Variants in KATNA1 observed in about 807,000 individuals in gnomAD.
KATNA1 encodes katanin p60 ATPase-containing subunit A1.
KATNA1 carries 42 observed loss-of-function variants against 62.6 expected under a neutral mutation model. That is an observed-to-expected ratio of 0.67 (90% CI 0.52 to 0.87). The LOEUF (loss-of-function observed/expected upper bound fraction) is 0.87. KATNA1 is among the 40% of genes least tolerant of loss of function. The pLI is 0.00. For synonymous variants in KATNA1, 186 were observed against 201.9 expected, an observed-to-expected ratio of 0.92 and a Z score of 0.67; for missense variants, 498 against 612.5, an observed-to-expected ratio of 0.81 and a Z score of 1.97.
intron 7 of KATNA1, among the ~76,000 whole-genome samples, chr6:149,600,692 T>G (rs1582752413): frequency 6.6e-6 from 1 of 150,688 alleles, no homozygotes; most frequent in Non-Finnish European, 1.5e-5. Flanking sequence ...ATCTAGCACT[T>G]TGGGAGTCTG....
chr6:149,636,310 G>T (rs1222941213), intron 2 of KATNA1, among the ~76,000 whole-genome samples: 4 of 152,016 alleles, frequency 2.6e-5, no homozygotes, highest in Non-Finnish European at 4.4e-5. Context: ...GGTGACTCAT[G>T]CCTATAATCC....
At chr6:149,597,272 T>C (rs1778361597) in intron 9 of KATNA1, 83 bp from the exon 10 acceptor site, 1 of 1,437,710 alleles carries the variant, frequency 7.0e-7, no homozygotes, top group South Asian at 1.3e-5. Flanking sequence ...TTGTGTGAGA[T>C]GTTGTCTTCC....
intron 1 of KATNA1, among the ~76,000 whole-genome samples, chr6:149,645,721 T>G (rs1016836175): frequency 3.9e-5 from 6 of 152,166 alleles, no homozygotes; most frequent in African/African-American, 1.2e-4. Flanking sequence ...AGTTAGCTAA[T>G]GACTAAATTA....
intron 1 of KATNA1, 178 bp from the exon 2 acceptor site, chr6:149,638,738 T>TTG (rs1211766934): frequency 4.6e-6 from 2 of 432,504 alleles, no homozygotes; most frequent in South Asian, 4.0e-5. Context: ...TTGTTTTTTT[T>TTG]TTTTTTTTTT....
intron 3 of KATNA1, among the ~76,000 whole-genome samples, chr6:149,627,515 G>A (rs1226523715): frequency 7.0e-6 from 1 of 141,856 alleles, no homozygotes; most frequent in Non-Finnish European, 1.5e-5. Context: ...ACGACAGAGT[G>A]AGACTCCATC....
intron 2 of KATNA1, among the ~76,000 whole-genome samples, chr6:149,634,468 T>C (rs888671532): frequency 1.3e-5 from 2 of 151,978 alleles, no homozygotes; most frequent in Admixed American, 6.6e-5. Context: ...AAAAAAACCA[T>C]CAAAGCACAA....
At chr6:149,610,989 G>C (rs1778932456) in intron 4 of KATNA1, among the ~76,000 whole-genome samples, 1 of 152,200 alleles carries the variant, frequency 6.6e-6, no homozygotes, top group Non-Finnish European at 1.5e-5. Flanking sequence ...GGAAACTGAG[G>C]CAGAATTGCT....
At chr6:149,632,712 C>T (rs370751901) in intron 3 of KATNA1, 47 bp downstream of exon 3, 77 of 1,542,276 alleles carry the variant, frequency 5.0e-5, no homozygotes, top group South Asian at 1.1e-4. Flanking sequence ...ATAATCAATG[C>T]TATAAGCTTC....
At chr6:149,643,278 C>T (rs145209458) in intron 1 of KATNA1, among the ~76,000 whole-genome samples, 6 of 152,256 alleles carry the variant, frequency 3.9e-5, no homozygotes, top group Non-Finnish European at 7.4e-5. Flanking sequence ...ACAGGCCTGG[C>T]CAATACCTGA....
chr6:149,648,672 C>T lies in KATNA1; in HGVS notation c.-217G>A, dbSNP rs1048359042. 5.9e-5 allele frequency: 9 copies of T among 152,294 alleles called. No individual in the cohort carries two copies. The highest frequency in any genetic ancestry group is 2.2e-4 in the African/African-American group (9 of 41,452). 9.4% of individuals were successfully genotyped at this position (152,294 alleles called of 1,614,324 possible). A position where few individuals can be genotyped will look rare whatever the true frequency, so the allele number is the denominator to read the frequency against. ...CTCGCCGAGAATTTGAAGACAAACC[C>T]GCCAGGGTCACTTCCGGTGCCGGGG... On this transcript the variant is annotated 5_prime_UTR_variant, in exon 1 of 11. Coordinates refer to ENST00000367411, the MANE Select transcript of KATNA1 (RefSeq NM_007044.4).
Position 149,595,040 on chromosome 6 carries a change from C to T in KATNA1, c.1472G>A (p.Cys491Tyr). 1 of 1,612,690 alleles carries T rather than the reference C, an allele frequency of 6.2e-7. No homozygotes were observed. ...TCACAGTTTACATGTGAGAATTTAG[C>T]ATGATCCAAACTCAAATATCCATTT... ...YEKWIFEFGS[C>Y] The change falls in exon 11 of 11, where the codon TGC becomes TAC. Residue 491 changes from cysteine to tyrosine, a missense_variant. This residue lies in a region of KATNA1 where 267 missense variants were observed against 372.6 expected (regional missense o/e 0.72). Transcript: ENST00000367411.
chr6:149,602,940 C>G (rs1023197608), intron 6 of KATNA1, among the ~76,000 whole-genome samples: 18 of 151,930 alleles, frequency 1.2e-4, no homozygotes, highest in Non-Finnish European at 2.4e-4. Flanking sequence ...AGGCTGGTCT[C>G]GAACTCCTGA....
At chr6:149,599,765 G>A (rs1403767198) in intron 7 of KATNA1, among the ~76,000 whole-genome samples, 14 of 151,980 alleles carry the variant, frequency 9.2e-5, no homozygotes, top group East Asian at 3.8e-4. Context: ...TGATCTGCCC[G>A]CCTCAACCTC....
chr6:149,621,108 G>T (rs1321585531), intron 4 of KATNA1, among the ~76,000 whole-genome samples: 1 of 150,466 alleles, frequency 6.6e-6, no homozygotes, highest in South Asian at 2.1e-4. Context: ...AGGACAAACA[G>T]AAATCCTATG....
intron 7 of KATNA1, 118 bp from the exon 8 acceptor site, chr6:149,598,468 T>A: frequency 3.2e-6 from 3 of 928,354 alleles, no homozygotes; most frequent in Non-Finnish European, 4.9e-6. Flanking sequence ...CTCACACCTG[T>A]AATCCCAACA....
At chr6:149,633,318 A>G (rs2114610267) in intron 2 of KATNA1, among the ~76,000 whole-genome samples, 1 of 152,156 alleles carries the variant, frequency 6.6e-6, no homozygotes. Flanking sequence ...CATGTTAGCC[A>G]GGATGGTCTT....
intron 3 of KATNA1, among the ~76,000 whole-genome samples, chr6:149,627,342 G>T (rs1307236698): frequency 1.3e-5 from 2 of 151,744 alleles, no homozygotes; most frequent in Non-Finnish European, 2.9e-5. Flanking sequence ...CAGGCGGACA[G>T]ATCACTTGAA....
intron 9 of KATNA1, 79 bp downstream of exon 9, chr6:149,597,428 T>G: frequency 6.5e-7 from 1 of 1,539,834 alleles, no homozygotes; most frequent in East Asian, 2.2e-5. Context: ...AGAAAGTTAG[T>G]TAATAACAAA....
chr6:149,638,681 C>T, intron 1 of KATNA1, 121 bp from the exon 2 acceptor site: 1 of 609,934 alleles, frequency 1.6e-6, no homozygotes, highest in East Asian at 2.8e-5. Flanking sequence ...CCACACTTCC[C>T]ATCTCTATAT....
Sources: allele counts gnomAD v4.1 joint callset (sites outside exome capture counted in the v4.1 genomes callset), GRCh38; gene constraint gnomAD v4.1.1; regional missense constraint gnomAD v4.1.1; transcripts MANE v1.5; gene names NCBI Gene and HGNC (gene_info 2026-07-23, HGNC 2026-07-21).